Variants in ADAMTSL2 observed in about 807,000 individuals in gnomAD.
ADAMTSL2 encodes ADAMTS-like protein 2.
In ADAMTSL2, 55 loss-of-function variants were observed where a neutral mutation model predicts 117.0. The ratio of observed to expected loss-of-function variants is 0.47; its 90% CI spans 0.38 to 0.59. The LOEUF (loss-of-function observed/expected upper bound fraction) is 0.59, where lower values mean the gene tolerates loss of function less well. ADAMTSL2 is among the 20% of genes least tolerant of loss of function. ADAMTSL2 has a pLI of 0.00. For missense variants in ADAMTSL2, 1,182 were observed against 1,354.5 expected (o/e 0.87, Z 2.00); for synonymous variants, 572 against 566.4 (o/e 1.01, Z -0.14).
intron 9 of ADAMTSL2, among the ~76,000 whole-genome samples, chr9:133,552,179 A>T (rs1367689648): frequency 3.9e-5 from 6 of 152,164 alleles, no homozygotes; most frequent in African/African-American, 1.4e-4. Context: ...ATATTCTTGG[A>T]TGTGGAATAT....
chr9:133,548,045 C>G (rs975052213), intron 9 of ADAMTSL2, among the ~76,000 whole-genome samples: 7 of 152,256 alleles, frequency 4.6e-5, no homozygotes, highest in Non-Finnish European at 8.8e-5. Flanking sequence ...TGCTGACTTT[C>G]CTGGAGGCCG....
At chr9:133,544,160 G>C (rs542349446) in intron 7 of ADAMTSL2, among the ~76,000 whole-genome samples, 172 of 152,374 alleles carry the variant, frequency 1.1e-3, no homozygotes, top group African/African-American at 3.9e-3. Context: ...ACACATGGCA[G>C]AGCCGGACTG....
rs974411789 is a variant in ADAMTSL2, at chr9:133,558,165, G to A, written c.1649+2235G>A. ...GGGCCTGTCAGGGGCCTCAAGGGTC[G>A]ATCAACTAGGCTGTCAGCACTCAGA... On this transcript the variant is annotated intron_variant, in intron 11 of 18. Coordinates refer to ENST00000651351, the MANE Select transcript of ADAMTSL2 (RefSeq NM_014694.4). The surrounding 1 kb of genome is among the most constrained non-coding windows in gnomAD (Gnocchi z 4.3). Among the ~76,000 whole-genome samples, 3 of 152,146 alleles carry A rather than the reference G, an allele frequency of 2.0e-5. No individual in the cohort carries two copies. The highest frequency in any genetic ancestry group is 4.8e-5 in the African/African-American group (2 of 41,420).
At chr9:133,542,107 G>A (rs143969108) in intron 7 of ADAMTSL2, among the ~76,000 whole-genome samples, 2,461 of 152,294 alleles carry the variant, frequency 0.016, 26 homozygotes, top group Non-Finnish European at 0.023. Context: ...ACCGTGTCTT[G>A]AAGGTCGAGG....
At chr9:133,540,486 A>G in intron 5 of ADAMTSL2, 112 bp from the exon 6 acceptor site, 1 of 1,423,208 alleles carries the variant, frequency 7.0e-7, no homozygotes, top group Non-Finnish European at 9.6e-7. Flanking sequence ...TCCAGGCCTG[A>G]GTTGCCCCAT....
rs1830369204 is a variant in ADAMTSL2 at position 133,547,135 on chromosome 9, G to A, written c.861G>A (p.Arg287=). 2 of 1,614,006 alleles carry A rather than the reference G, an allele frequency of 1.2e-6. No individual in the cohort carries two copies. Among genetic ancestry groups the A allele is most frequent in the South Asian group, 1.1e-5 (1 of 91,084 alleles). ...FNIAGTVVKY[R]RPMDVYETGI... is the part of the protein sequence containing the mutation. ...TCGCAGGCACGGTGGTCAAGTACAGGCGGCCCATGGATGTCTATGAGACCG... is the reference window on the plus strand; with the variant it reads ...TCGCAGGCACGGTGGTCAAGTACAGACGGCCCATGGATGTCTATGAGACCG... The change falls in exon 9 of 19, where the codon AGG becomes AGA. Residue 287 remains arginine, a synonymous_variant. Transcript: ENST00000651351.
chr9:133,572,894 G>A (rs1831143261), intron 17 of ADAMTSL2, among the ~76,000 whole-genome samples: 2 of 152,310 alleles, frequency 1.3e-5, no homozygotes, highest in East Asian at 1.9e-4. Flanking sequence ...GGCCGGGAAT[G>A]TGCTGCTCTC....
Position 133,537,563 on chromosome 9 carries a change from C to G in ADAMTSL2, c.233+16C>G. On this transcript the variant is annotated intron_variant, in intron 3 of 18. Transcript: ENST00000651351. ...TGCAGCAGAGGTGCGAGGTTGGGCA[C>G]GTGGCCCTGAGGGGATGGCATGAGG... 1 of 1,339,480 alleles carries G rather than the reference C, an allele frequency of 7.5e-7. No individual in the cohort carries two copies. The highest frequency in any genetic ancestry group is 9.6e-7 in the Non-Finnish European group (1 of 1,036,294). The allele number at this position is 1,339,480 out of a possible 1,614,324, so 83.0% of individuals were successfully genotyped here. A position where few individuals can be genotyped will look rare whatever the true frequency, so the allele number is the denominator to read the frequency against.
intron 7 of ADAMTSL2, among the ~76,000 whole-genome samples, chr9:133,542,953 T>A (rs1830259564): frequency 6.7e-6 from 1 of 149,804 alleles, no homozygotes; most frequent in African/African-American, 2.4e-5. Flanking sequence ...TGTCTATAAC[T>A]ATTTTTTTTT....
Position 133,536,771 on chromosome 9 carries a change from T to C in ADAMTSL2, c.59T>C (p.Val20Ala). Residue 20 changes from valine (V) to alanine (A), a missense_variant, in exon 2 of 19, where the codon GTA becomes GCA. Coordinates refer to ENST00000651351, the MANE Select transcript of ADAMTSL2 (RefSeq NM_014694.4). The part of the protein sequence containing the change: ...WAWFLLVLAV[V>A]AGDTVSTGST... ...TGGTTCCTGCTGGTTCTGGCAGTTGTAGCTGGGGACACAGTGTCAACCGGG... is the reference window on the plus strand; with the variant it reads ...TGGTTCCTGCTGGTTCTGGCAGTTGCAGCTGGGGACACAGTGTCAACCGGG... The C allele has an allele frequency of 6.2e-7, 1 of 1,614,194 alleles. No individual in the cohort carries two copies. The highest frequency in any genetic ancestry group is 1.1e-5 in the South Asian group (1 of 91,088).
At chr9:133,569,741 T>C (rs1212681088) in intron 16 of ADAMTSL2, among the ~76,000 whole-genome samples, 163 bp downstream of exon 16, 1 of 152,240 alleles carries the variant, frequency 6.6e-6, no homozygotes, top group Non-Finnish European at 1.5e-5. Context: ...ACAAAAGGCT[T>C]AAAAGGTAGG....
intron 12 of ADAMTSL2, among the ~76,000 whole-genome samples, chr9:133,566,539 C>T (rs112932701): frequency 0.071 from 10,782 of 152,244 alleles, 526 homozygotes; most frequent in Non-Finnish European, 0.12. Context: ...AGGAGGCTGA[C>T]GGGGCTGGAG....
At chr9:133,539,936 C>T (rs796696628) in intron 5 of ADAMTSL2, 63 bp downstream of exon 5, 61 of 1,485,356 alleles carry the variant, frequency 4.1e-5, no homozygotes, top group East Asian at 2.2e-4. Context: ...GTAGCCCTTC[C>T]GGCACCTGGG....
At chr9:133,569,382 T>A in intron 15 of ADAMTSL2, 26 bp from the exon 16 acceptor site, 1 of 1,610,816 alleles carries the variant, frequency 6.2e-7, no homozygotes, top group Non-Finnish European at 8.5e-7. Context: ...TCACTGGATG[T>A]CCCCTGCCTG....
In ADAMTSL2 at chr9:133,565,112, A is replaced by C. The variant is rs547602839; in HGVS notation, c.1748-1824A>C. Among the ~76,000 whole-genome samples the C allele has an allele frequency of 8.5e-3, 1,288 of 152,174 alleles. 7 individuals carry two copies. Among genetic ancestry groups the C allele is most frequent in the Non-Finnish European group, 0.013 (874 of 67,982 alleles). On this transcript the variant is annotated intron_variant, in intron 12 of 18. Coordinates refer to ENST00000651351, the MANE Select transcript of ADAMTSL2 (RefSeq NM_014694.4). ...CAGGGCACCGTGGTGAGGACAGTGG[A>C]TCCTGCGGCCCCCAGGCTTCATCCT... is the stretch of plus-strand genomic sequence containing the variant.
chr9:133,555,117 C>G (rs996652116), intron 10 of ADAMTSL2, among the ~76,000 whole-genome samples: 51 of 152,184 alleles, frequency 3.4e-4, no homozygotes, highest in African/African-American at 1.1e-3. Context: ...TGGCTGTGAC[C>G]GTGTCACTCC....
chr9:133,538,251 T>G (rs1830099886), intron 3 of ADAMTSL2, 98 bp from the exon 4 acceptor site: 2 of 1,421,714 alleles, frequency 1.4e-6, no homozygotes, highest in Non-Finnish European at 2.0e-6. Flanking sequence ...GTCACGGGTA[T>G]CGGGAGATTC....
upstream of ADAMTSL2, among the ~76,000 whole-genome samples, chr9:133,533,378 C>A (rs762321113): frequency 1.2e-4 from 18 of 152,166 alleles, no homozygotes; most frequent in Non-Finnish European, 2.1e-4. Flanking sequence ...ACTTGCCTGC[C>A]CGAGGGTCCC....
At chr9:133,534,634 G>A (rs1830004289), upstream of ADAMTSL2, 2 of 1,302,424 alleles carry the variant, frequency 1.5e-6, no homozygotes, top group Non-Finnish European at 2.0e-6. Flanking sequence ...GGAGCGGCCT[G>A]GTGGGAAGTG....
Sources: allele counts gnomAD v4.1 joint callset (sites outside exome capture counted in the v4.1 genomes callset), GRCh38; gene constraint gnomAD v4.1.1; non-coding constraint Gnocchi (gnomAD v3.1); transcripts MANE v1.5; gene names NCBI Gene and HGNC (gene_info 2026-07-23, HGNC 2026-07-21).